LRRC1: variants seen among roughly 807,000 people sequenced by gnomAD.
LRRC1 encodes leucine rich repeat containing 1.
Under a neutral mutation model 69.9 loss-of-function variants are expected in LRRC1, and 28 were observed. The ratio of observed to expected loss-of-function variants is 0.40; its 90% CI spans 0.30 to 0.55. The LOEUF (loss-of-function observed/expected upper bound fraction) is 0.55. LRRC1 is among the 20% of genes least tolerant of loss of function. The probability of loss-of-function intolerance (pLI) is 0.47; values close to 1 mark genes in which losing one functional copy is unlikely to be tolerated. For missense variants in LRRC1, 498 were observed against 609.0 expected, an observed-to-expected ratio of 0.82 and a Z score of 1.92; for synonymous variants, 236 against 240.2, an observed-to-expected ratio of 0.98 and a Z score of 0.16.
rs6917132 is a variant in LRRC1 at position 53,859,537 on chromosome 6, A to C, written c.277+17310A>C. ...CCTAAACAGCATTTAGACCGAAAGG[A>C]TGTCTTTACATTATGATCTTTTTCA... is the stretch of plus-strand genomic sequence containing the variant. On this transcript the variant is annotated intron_variant, in intron 2 of 13. Coordinates refer to ENST00000370888, the MANE Select transcript of LRRC1 (RefSeq NM_018214.5). Among the ~76,000 whole-genome samples, 417 of 152,292 alleles carry C rather than the reference A, an allele frequency of 2.7e-3. 1 individual carries two copies. The highest frequency in any genetic ancestry group is 9.8e-3 in the African/African-American group (407 of 41,568).
chr6:53,820,886 A>C (rs1261436357), intron 1 of LRRC1, among the ~76,000 whole-genome samples: 2 of 152,220 alleles, frequency 1.3e-5, no homozygotes, highest in African/African-American at 4.8e-5. Flanking sequence ...AGGGCCACAC[A>C]CTAGAATGTC....
intron 13 of LRRC1, among the ~76,000 whole-genome samples, chr6:53,922,270 A>C (rs1768762236): frequency 6.6e-6 from 1 of 151,944 alleles, no homozygotes; most frequent in African/African-American, 2.4e-5. Flanking sequence ...AGGATTTTTT[A>C]TTTACTCTTT....
In LRRC1 at chr6:53,916,785, T is replaced by G. The variant is rs556538777; in HGVS notation, c.1107-2713T>G. Among the ~76,000 whole-genome samples the G allele has an allele frequency of 3.2e-4, 48 of 152,316 alleles. No individual in the cohort carries two copies. The South Asian group carries it at 9.7e-3, about 31-fold the overall frequency. ...CAGTCACTGGTGAAGTTAATATTAA[T>G]CAGTAGGCCATGCTTAGATATTAAA... On this transcript the variant is annotated intron_variant, in intron 11 of 13. Coordinates refer to ENST00000370888, the MANE Select transcript of LRRC1 (RefSeq NM_018214.5).
At chr6:53,896,355 A>C in intron 4 of LRRC1, 143 bp from the exon 5 acceptor site, 1 of 685,866 alleles carries the variant, frequency 1.5e-6, no homozygotes, top group Non-Finnish European at 2.6e-6. Context: ...GGGGGTGGTG[A>C]TGATAGGTAT....
intron 10 of LRRC1, among the ~76,000 whole-genome samples, chr6:53,909,539 T>C (rs1050473943): frequency 2.0e-5 from 3 of 152,136 alleles, no homozygotes; most frequent in African/African-American, 7.2e-5. Flanking sequence ...TTTTTTTTCA[T>C]TGTGCTTTCC....
chr6:53,852,289 G>A (rs1013524157), intron 2 of LRRC1, among the ~76,000 whole-genome samples: 4 of 152,212 alleles, frequency 2.6e-5, no homozygotes, highest in Non-Finnish European at 4.4e-5. Flanking sequence ...TATAGATGCT[G>A]TAATTCTATC....
At chr6:53,845,532 C>A (rs930376900) in intron 2 of LRRC1, among the ~76,000 whole-genome samples, 7 of 152,242 alleles carry the variant, frequency 4.6e-5, no homozygotes, top group African/African-American at 1.7e-4. Flanking sequence ...GATGGCGGTG[C>A]CTACTTTCTG....
chr6:53,914,345 C>T (rs1768502252), intron 11 of LRRC1, among the ~76,000 whole-genome samples: 3 of 152,130 alleles, frequency 2.0e-5, no homozygotes, highest in Non-Finnish European at 4.4e-5. Context: ...TCCTCACCTG[C>T]AAAGTGAGTG....
chr6:53,802,747 A>G (rs1193741193), intron 1 of LRRC1, among the ~76,000 whole-genome samples: 4 of 152,184 alleles, frequency 2.6e-5, no homozygotes, highest in East Asian at 3.8e-4. Flanking sequence ...GTTCTATACT[A>G]TGAATTTTAG....
At position 53,922,912 on chromosome 6, in the gene LRRC1, T is replaced by C. The variant is rs936982491; in HGVS notation, c.*119T>C. ...CCAGCCCCCGCGCGCCATCTTCCCG[T>C]GGAGTGTGGGGAAGCTGCTGTCTCC... is the stretch of plus-strand genomic sequence containing the variant. On this transcript the variant is annotated 3_prime_UTR_variant, in exon 14 of 14. Coordinates refer to ENST00000370888, the MANE Select transcript of LRRC1 (RefSeq NM_018214.5). The C allele has an allele frequency of 8.5e-6, 8 of 946,340 alleles. No individual in the cohort carries two copies. The allele number at this position is 946,340 out of a possible 1,614,324, so 58.6% of individuals were successfully genotyped here. A position where few individuals can be genotyped will look rare whatever the true frequency, so the allele number is the denominator to read the frequency against.
At chr6:53,854,221 G>A (rs1318107642) in intron 2 of LRRC1, among the ~76,000 whole-genome samples, 1 of 152,162 alleles carries the variant, frequency 6.6e-6, no homozygotes, top group African/African-American at 2.4e-5. Flanking sequence ...ATAGAGTAGC[G>A]TTAATTCAGC....
intron 1 of LRRC1, among the ~76,000 whole-genome samples, chr6:53,815,262 T>A (rs1243475579): frequency 6.6e-6 from 1 of 152,078 alleles, no homozygotes; most frequent in African/African-American, 2.4e-5. Flanking sequence ...TGAATGGGCC[T>A]AGGTTCATGT....
chr6:53,827,866 C>G (rs1431425283), intron 1 of LRRC1, among the ~76,000 whole-genome samples: 1 of 152,156 alleles, frequency 6.6e-6, no homozygotes, highest in Non-Finnish European at 1.5e-5. Context: ...TATAAGCTCT[C>G]AAAACCTACA....
Position 53,896,832 on chromosome 6 carries a change from T to C in LRRC1, c.507T>C (p.Ser169=). The change falls in exon 6 of 14, where the codon TCT becomes TCC. Residue 169 remains serine (S), a synonymous_variant. Transcript: ENST00000370888. ...CTTTATTTATTTTTTAAAATAGCTC[T>C]CTTACCCAGCTGCGAAGACTAGAAG... ...RENLLTYLPD[S]LTQLRRLEEL... is the part of the protein sequence containing the mutation. 2 of 1,596,804 alleles carry C rather than the reference T, an allele frequency of 1.3e-6. No homozygotes were observed. The highest frequency in any genetic ancestry group is 1.7e-6 in the Non-Finnish European group (2 of 1,164,634).
chr6:53,868,766 C>G (rs1766789789), intron 2 of LRRC1, among the ~76,000 whole-genome samples: 1 of 152,156 alleles, frequency 6.6e-6, no homozygotes. Context: ...ATCTTTCCAG[C>G]CTTCTCTCCA....
chr6:53,896,019 A>T (rs557241649), intron 4 of LRRC1, among the ~76,000 whole-genome samples: 1 of 152,304 alleles, frequency 6.6e-6, no homozygotes, highest in East Asian at 1.9e-4. Flanking sequence ...GACTCTCTGG[A>T]CTGAGATGTC....
At chr6:53,819,275 C>G (rs1272303735) in intron 1 of LRRC1, among the ~76,000 whole-genome samples, 1 of 152,160 alleles carries the variant, frequency 6.6e-6, no homozygotes, top group African/African-American at 2.4e-5. Flanking sequence ...CATCCTAACA[C>G]AGCCCTTTGT....
intron 1 of LRRC1, among the ~76,000 whole-genome samples, chr6:53,841,690 T>G (rs1765794971): frequency 6.6e-6 from 1 of 152,088 alleles, no homozygotes; most frequent in African/African-American, 2.4e-5. Context: ...ATACAATAAT[T>G]TCTTTAAAAA....
chr6:53,846,583 G>A (rs1765952283), intron 2 of LRRC1, among the ~76,000 whole-genome samples: 1 of 152,164 alleles, frequency 6.6e-6, no homozygotes, highest in African/African-American at 2.4e-5. Flanking sequence ...TTAACTTGGT[G>A]GATTTGTTTT....
Sources: gnomAD v4.1 joint callset for allele counts (sites outside exome capture counted in the v4.1 genomes callset) on GRCh38, gnomAD v4.1.1 for gene constraint, MANE v1.5 for transcripts, NCBI Gene and HGNC (gene_info 2026-07-23, HGNC 2026-07-21) for gene names.